Variants in NALF1 observed in about 807,000 individuals in gnomAD.
The protein encoded by NALF1 is family with sequence similarity 155 member A.
In NALF1, 3 loss-of-function variants were observed where a neutral mutation model predicts 48.4. The observed-to-expected ratio is 0.06, with a 90% CI of 0.03 to 0.16. NALF1 has a LOEUF of 0.16. Among genes scored for constraint, NALF1 ranks in the 10% least tolerant of loss-of-function variants. NALF1 has a pLI of 1.00. For synonymous variants in NALF1, 262 were observed against 245.7 expected (o/e 1.07, Z -0.62); for missense variants, 526 against 571.5 (o/e 0.92, Z 0.81).
intron 1 of NALF1, among the ~76,000 whole-genome samples, chr13:107,764,783 A>G (rs1594251497): frequency 6.6e-6 from 1 of 152,302 alleles, no homozygotes; most frequent in East Asian, 1.9e-4. Flanking sequence ...ATTGGGATTC[A>G]CTTTACTGGA....
At chr13:107,474,494 A>C (rs912036344) in intron 1 of NALF1, among the ~76,000 whole-genome samples, 5 of 152,212 alleles carry the variant, frequency 3.3e-5, no homozygotes, top group Non-Finnish European at 7.3e-5. Flanking sequence ...ACTAATACTT[A>C]ACAAAAATAT....
intron 1 of NALF1, among the ~76,000 whole-genome samples, chr13:107,784,699 A>G (rs1878019242): frequency 6.6e-6 from 1 of 152,154 alleles, no homozygotes; most frequent in South Asian, 2.1e-4. Context: ...CCACAATGCG[A>G]TACCACCTTT....
chr13:107,810,609 T>G (rs144645875), intron 1 of NALF1, among the ~76,000 whole-genome samples: 2 of 152,220 alleles, frequency 1.3e-5, no homozygotes, highest in African/African-American at 4.8e-5. Context: ...TAACATTATT[T>G]TTCAAAAAAT....
At chr13:107,462,857 T>C (rs1174796510) in intron 1 of NALF1, among the ~76,000 whole-genome samples, 2 of 152,228 alleles carry the variant, frequency 1.3e-5, no homozygotes, top group Non-Finnish European at 2.9e-5. Flanking sequence ...GCTTGCCCTA[T>C]GCACCTTTTC....
intron 1 of NALF1, among the ~76,000 whole-genome samples, chr13:107,349,500 T>A (rs1158567175): frequency 6.6e-6 from 1 of 152,026 alleles, no homozygotes; most frequent in Non-Finnish European, 1.5e-5. Flanking sequence ...CCCAGCACTT[T>A]GGGAGGGCGA....
intron 1 of NALF1, among the ~76,000 whole-genome samples, chr13:107,706,655 T>C (rs1411847185): frequency 1.3e-5 from 2 of 152,152 alleles, no homozygotes; most frequent in African/African-American, 4.8e-5. Flanking sequence ...AGATTGGATT[T>C]TTTAAATAGA....
At chr13:107,632,508 C>T (rs1440194811) in intron 1 of NALF1, among the ~76,000 whole-genome samples, 2 of 152,142 alleles carry the variant, frequency 1.3e-5, no homozygotes, top group East Asian at 3.9e-4. Context: ...ATATTTTCCC[C>T]ATGTAGGCAT....
intron 1 of NALF1, among the ~76,000 whole-genome samples, chr13:107,767,356 T>C (rs1051270250): frequency 6.6e-6 from 1 of 152,220 alleles, no homozygotes. Context: ...TGCTGCTGTA[T>C]GTCCAAGTGT....
At chr13:107,525,586 C>T (rs1876403365) in intron 1 of NALF1, among the ~76,000 whole-genome samples, 1 of 152,066 alleles carries the variant, frequency 6.6e-6, no homozygotes, top group Non-Finnish European at 1.5e-5. Context: ...TATGTACAAA[C>T]TTTGGTATAA....
intron 1 of NALF1, among the ~76,000 whole-genome samples, chr13:107,638,394 GATTCATTC>G (rs573099939): frequency 3.3e-5 from 5 of 151,664 alleles, no homozygotes; most frequent in East Asian, 2.0e-4. Context: ...AGGAAAGTAT[GATTCATTC>G]ATTCATTCAT....
chr13:107,210,609 T>C lies in NALF1; in HGVS notation c.1062A>G (p.Gly354=), dbSNP rs564471443. The change falls in exon 2 of 3, where the codon GGA becomes GGG. Residue 354 remains glycine, a synonymous_variant. Coordinates refer to ENST00000375915, the MANE Select transcript of NALF1 (RefSeq NM_001080396.3). ...CTGTACAGATGAAACTGGAGAGGCC[T>C]CCGTAGATGACTTCATCATTGTCGG... The part of the protein sequence containing the change: ...ILPDNDEVIY[G]GLSSFICTGL... 1.2e-6 allele frequency: 2 copies of C among 1,613,398 alleles called. No homozygotes were observed. The highest frequency in any genetic ancestry group is 1.7e-6 in the Non-Finnish European group (2 of 1,179,402).
chr13:107,834,417 C>G (rs1879831320), intron 1 of NALF1, among the ~76,000 whole-genome samples: 1 of 152,154 alleles, frequency 6.6e-6, no homozygotes, highest in South Asian at 2.1e-4. Context: ...ACAGCTCTTA[C>G]CATCAATGTC....
At chr13:107,805,799 C>G (rs1878767613) in intron 1 of NALF1, among the ~76,000 whole-genome samples, 1 of 152,096 alleles carries the variant, frequency 6.6e-6, no homozygotes, top group African/African-American at 2.4e-5. Context: ...TCTTAATGAA[C>G]TGGTAACAAT....
chr13:107,538,596 T>C lies in NALF1; in HGVS notation c.915+327086A>G, dbSNP rs144889116. Among the ~76,000 whole-genome samples, 162 of 152,250 alleles carry C rather than the reference T, an allele frequency of 1.1e-3. 1 individual carries two copies. The highest frequency in any genetic ancestry group is 3.7e-3 in the African/African-American group (154 of 41,582). The stretch of plus-strand genomic sequence containing the variant: ...AAGATTTTGTCATTCAAATCAGACC[T>C]CAGTTCAAACACTGATTCTTAGTTC... On this transcript the variant is annotated intron_variant, in intron 1 of 2. Transcript: ENST00000375915.
chr13:107,780,313 A>G (rs1877852150), intron 1 of NALF1, among the ~76,000 whole-genome samples: 1 of 151,824 alleles, frequency 6.6e-6, no homozygotes, highest in South Asian at 2.1e-4. Context: ...CAGGTTCTCC[A>G]CTTTTTCACA....
chr13:107,432,600 A>C (rs1210123869), intron 1 of NALF1, among the ~76,000 whole-genome samples: 3 of 152,112 alleles, frequency 2.0e-5, no homozygotes, highest in African/African-American at 7.2e-5. Context: ...AGTGACTGTG[A>C]GGAAGTCAGG....
At chr13:107,171,731 A>T (rs1878809180) in intron 2 of NALF1, among the ~76,000 whole-genome samples, 1 of 152,226 alleles carries the variant, frequency 6.6e-6, no homozygotes, top group Admixed American at 6.5e-5. Context: ...TTTTTATGCA[A>T]GCTATATAAG....
At chr13:107,859,266 T>C (rs1320561708) in intron 1 of NALF1, among the ~76,000 whole-genome samples, 2 of 152,206 alleles carry the variant, frequency 1.3e-5, no homozygotes. Context: ...AAAATTCCCA[T>C]GTATTTCCGA....
chr13:107,671,516 T>A (rs1035996085), intron 1 of NALF1, among the ~76,000 whole-genome samples: 1 of 152,120 alleles, frequency 6.6e-6, no homozygotes, highest in South Asian at 2.1e-4. Flanking sequence ...CATAGTTTTA[T>A]ATAAGCTGCA....
Sources: gnomAD v4.1 joint callset for allele counts (sites outside exome capture counted in the v4.1 genomes callset) on GRCh38, gnomAD v4.1.1 for gene constraint, MANE v1.5 for transcripts, NCBI Gene and HGNC (gene_info 2026-07-23, HGNC 2026-07-21) for gene names.